The following NEK3 variants were observed in gnomAD, a reference collection of about 807,000 sequenced individuals.
NEK3 encodes the protein serine/threonine-protein kinase Nek3.
Under a neutral mutation model 66.0 loss-of-function variants are expected in NEK3, and 54 were observed. The ratio of observed to expected loss-of-function variants is 0.82; its 90% confidence interval spans 0.66 to 1.03. The LOEUF (loss-of-function observed/expected upper bound fraction) is 1.03. Among genes scored for constraint, NEK3 ranks in the 50% least tolerant of loss-of-function variants. The pLI is 0.00. For synonymous variants in NEK3, 200 were observed against 206.2 expected (o/e 0.97, Z 0.26); for missense variants, 593 against 603.0 (o/e 0.98, Z 0.17).
At chr13:52,142,419 G>A (rs1231077179) in intron 10 of NEK3, among the ~76,000 whole-genome samples, 1 of 152,018 alleles carries the variant, frequency 6.6e-6, no homozygotes, top group African/African-American at 2.4e-5. Flanking sequence ...TGGGATTACA[G>A]GCACCTGCCA....
At chr13:52,144,066 A>G in intron 9 of NEK3, 79 bp from the exon 10 acceptor site, 2 of 755,176 alleles carry the variant, frequency 2.6e-6, no homozygotes, top group Non-Finnish European at 4.3e-6. Context: ...TTTCATCATC[A>G]GCATTCTTTA....
chr13:52,148,223 C>A, intron 8 of NEK3, 192 bp downstream of exon 8: 1 of 452,632 alleles, frequency 2.2e-6, no homozygotes, highest in Non-Finnish European at 3.9e-6. Context: ...CACAGCCAAA[C>A]TGAATAATGG....
chr13:52,138,181 C>T (rs1485729386), intron 11 of NEK3, among the ~76,000 whole-genome samples: 1 of 152,092 alleles, frequency 6.6e-6, no homozygotes, highest in African/African-American at 2.4e-5. Flanking sequence ...CCACCATGCC[C>T]ACCTAAAATT....
intron 8 of NEK3, 79 bp downstream of exon 8, chr13:52,148,336 G>T (rs116185795): frequency 1.5e-6 from 2 of 1,365,166 alleles, no homozygotes; most frequent in Non-Finnish European, 2.1e-6. Context: ...GAAGCAAACT[G>T]CCAACTAGAA....
At chr13:52,145,412 T>G (rs1008876411) in intron 8 of NEK3, among the ~76,000 whole-genome samples, 6 of 152,102 alleles carry the variant, frequency 3.9e-5, no homozygotes, top group African/African-American at 1.4e-4. Flanking sequence ...CAAGCGATCC[T>G]CCCACCTCAG....
chr13:52,141,091 GT>G, intron 10 of NEK3, 22 bp from the exon 11 acceptor site: 1 of 1,584,598 alleles, frequency 6.3e-7, no homozygotes, highest in Non-Finnish European at 8.6e-7. Flanking sequence ...GAGAGAGAAG[GT>G]AGAAAGATAA....
At chr13:52,152,865 T>C (rs1956359276) in intron 4 of NEK3, among the ~76,000 whole-genome samples, 173 bp from the exon 5 acceptor site, 1 of 152,190 alleles carries the variant, frequency 6.6e-6, no homozygotes, top group South Asian at 2.1e-4. Context: ...TTGGAGAAAT[T>C]CAGAAAAGCT....
intron 1 of NEK3, among the ~76,000 whole-genome samples, chr13:52,157,672 T>C (rs1462429916): frequency 1.3e-5 from 2 of 152,204 alleles, no homozygotes; most frequent in Non-Finnish European, 2.9e-5. Context: ...CTCCCATCTA[T>C]ATTTCCAGGA....
chr13:52,142,644 A>C (rs1956261611), intron 10 of NEK3, among the ~76,000 whole-genome samples: 1 of 152,240 alleles, frequency 6.6e-6, no homozygotes, highest in Admixed American at 6.5e-5. Context: ...TCCAAAAACA[A>C]CACTTAAAAG....
At chr13:52,154,471 G>C (rs1013501542) in intron 2 of NEK3, among the ~76,000 whole-genome samples, 4 of 151,612 alleles carry the variant, frequency 2.6e-5, no homozygotes, top group Non-Finnish European at 5.9e-5. Context: ...TAGAGAGCCA[G>C]TTTACCATCA....
intron 10 of NEK3, 63 bp from the exon 11 acceptor site, chr13:52,141,132 C>T: frequency 1.4e-6 from 2 of 1,432,126 alleles, no homozygotes; most frequent in Non-Finnish European, 1.9e-6. Flanking sequence ...TATTAAGTTC[C>T]TAATATGATT....
At chr13:52,136,722 T>C (rs1956209266) in intron 12 of NEK3, 78 bp downstream of exon 12, 3 of 771,124 alleles carry the variant, frequency 3.9e-6, no homozygotes, top group East Asian at 2.9e-5. Context: ...TTGTTTATGA[T>C]ATCTGAGACC....
At chr13:52,156,005 G>T in intron 2 of NEK3, 70 bp downstream of exon 2, 1 of 1,028,576 alleles carries the variant, frequency 9.7e-7, no homozygotes, top group Non-Finnish European at 1.4e-6. Context: ...ACTGTGCCTG[G>T]CCAAAAACTT....
chr13:52,154,598 C>T (rs1297200669), intron 2 of NEK3, among the ~76,000 whole-genome samples: 1 of 151,630 alleles, frequency 6.6e-6, no homozygotes, highest in African/African-American at 2.4e-5. Flanking sequence ...CTGTCTGCAT[C>T]ACTTAGAGGA....
intron 11 of NEK3, among the ~76,000 whole-genome samples, chr13:52,138,206 G>A (rs1273118535): frequency 1.3e-5 from 2 of 152,144 alleles, no homozygotes; most frequent in Non-Finnish European, 2.9e-5. Flanking sequence ...ATTTTTTGTA[G>A]AGATGGGGTC....
intron 11 of NEK3, among the ~76,000 whole-genome samples, chr13:52,140,247 C>G (rs1308720458): frequency 2.1e-5 from 3 of 141,116 alleles, no homozygotes; most frequent in Non-Finnish European, 4.6e-5. Context: ...CAGGATAACA[C>G]AAGATTTTCA....
In NEK3 at chr13:52,153,979, C is replaced by A; in HGVS notation, c.225G>T (p.Leu75Phe). ...CATCACAGTATTCCATCACAATATA[C>A]AAGTGTCCTTCAGCTAAAACAGATA... ...FKESFEAEGHLYIVMEYCDGG... is the reference protein window; with the variant it reads ...FKESFEAEGHFYIVMEYCDGG... The change falls in exon 4 of 16, where the codon TTG (leucine) becomes TTT (phenylalanine). Residue 75 changes from leucine to phenylalanine, a missense_variant. Transcript: ENST00000610828. 1 of 1,612,730 alleles carries A rather than the reference C, an allele frequency of 6.2e-7. No homozygotes were observed. The highest frequency in any genetic ancestry group is 8.5e-7 in the Non-Finnish European group (1 of 1,179,058).
At chr13:52,138,951 A>C (rs75381134) in intron 11 of NEK3, among the ~76,000 whole-genome samples, 2,953 of 152,214 alleles carry the variant, frequency 0.019, 78 homozygotes, top group African/African-American at 0.067. Context: ...GGAAAGAAAG[A>C]AAGGTTGACT....
chr13:52,153,766 G>A, intron 4 of NEK3, 129 bp downstream of exon 4: 3 of 660,676 alleles, frequency 4.5e-6, no homozygotes, highest in Non-Finnish European at 5.2e-6. Context: ...CACCAATTCA[G>A]AAATCAGTCA....
Sources: allele counts gnomAD v4.1 joint callset (sites outside exome capture counted in the v4.1 genomes callset), GRCh38; gene constraint gnomAD v4.1.1; transcripts MANE v1.5; gene names NCBI Gene and HGNC (gene_info 2026-07-23, HGNC 2026-07-21).